Variants in CASP14 observed in about 807,000 individuals in gnomAD.
CASP14 encodes caspase 14.
Under a neutral mutation model 28.4 loss-of-function variants are expected in CASP14, and 27 were observed. The ratio of observed to expected loss-of-function variants is 0.95; its 90% confidence interval spans 0.70 to 1.31. The LOEUF is 1.31. Among genes scored for constraint, CASP14 ranks in the 50% most tolerant of loss-of-function variants. The pLI is 0.00. For missense variants in CASP14, 323 were observed against 312.8 expected, an observed-to-expected ratio of 1.03 and a Z score of -0.25; for synonymous variants, 115 against 118.6, an observed-to-expected ratio of 0.97 and a Z score of 0.20.
chr19:15,050,321 T>TGTGAGA lies in CASP14; in HGVS notation c.-47+677_-47+678insTGAGAG, dbSNP rs201170850. Among the ~76,000 whole-genome samples the TGTGAGA allele has an allele frequency of 5.7e-3, 851 of 149,180 alleles. 11 individuals are homozygous for TGTGAGA. The highest frequency in any genetic ancestry group is 0.019 in the African/African-American group (784 of 40,862). ...GTGTGTGTGTGTGAGTGTGTGTGTG[T>TGTGAGA]GAGAGAGAGAGAGAGAGAGAGAGAT... On this transcript the variant is annotated intron_variant, in intron 1 of 6. Transcript: ENST00000427043.
intron 4 of CASP14, 100 bp from the exon 5 acceptor site, chr19:15,055,058 G>GC (rs1028744502): frequency 8.1e-5 from 68 of 839,594 alleles, no homozygotes; most frequent in Non-Finnish European, 1.3e-4. Context: ...TCCTGCTTCA[G>GC]CCCCCCAAAA....
Position 15,053,789 on chromosome 19 carries a change from C to T in CASP14, c.234C>T (p.Pro78=), listed in dbSNP as rs61750055. ...AGGCCATCGATTCCCGGGAAGATCC[C>T]GTCAGTTGTGCCTTCGTGGTACTCA... ...FQQAIDSRED[P]VSCAFVVLMA... The change falls in exon 4 of 7, where the codon CCC becomes CCT. Residue 78 remains proline, a synonymous_variant. Coordinates refer to ENST00000427043, the MANE Select transcript of CASP14 (RefSeq NM_012114.3). 1.7e-5 allele frequency: 27 copies of T among 1,613,930 alleles called. No homozygotes were observed. Among genetic ancestry groups the T allele is most frequent in the Non-Finnish European group, 2.2e-5 (26 of 1,180,006 alleles).
intron 2 of CASP14, among the ~76,000 whole-genome samples, chr19:15,052,890 G>C (rs2283602): frequency 0.18 from 26,997 of 152,126 alleles, 2,446 homozygotes; most frequent in Admixed American, 0.25. Context: ...AAAAGAGCTG[G>C]ACCCCAGGTT....
chr19:15,055,798 T>G (rs2046114225), intron 6 of CASP14, among the ~76,000 whole-genome samples, 187 bp from the exon 7 acceptor site: 1 of 152,176 alleles, frequency 6.6e-6, no homozygotes, highest in Non-Finnish European at 1.5e-5. Flanking sequence ...TTTTAATGTT[T>G]ATATGTTTTT....
chr19:15,052,249 G>T lies in CASP14; in HGVS notation c.-3G>T, dbSNP rs376949640. 1.6e-5 allele frequency: 25 copies of T among 1,591,444 alleles called. No homozygotes were observed. Among genetic ancestry groups the T allele is most frequent in the Non-Finnish European group, 1.8e-5 (21 of 1,170,070 alleles). The stretch of plus-strand genomic sequence containing the variant: ...AGAGCCGGGACTCACAACCAAAGGA[G>T]AAATGAGCAATCCGCGGTCTTTGGA... On this transcript the variant is annotated 5_prime_UTR_variant, in exon 2 of 7. Coordinates refer to ENST00000427043, the MANE Select transcript of CASP14 (RefSeq NM_012114.3).
intron 1 of CASP14, among the ~76,000 whole-genome samples, chr19:15,050,140 C>T (rs765976000): frequency 7.9e-5 from 12 of 152,058 alleles, no homozygotes; most frequent in Admixed American, 2.0e-4. Flanking sequence ...AGGTCCTTTG[C>T]GGATGGGAAA....
intron 1 of CASP14, 46 bp downstream of exon 1, chr19:15,049,691 TCTCTCTCACACA>T (rs1568313888): frequency 1.8e-5 from 2 of 110,632 alleles, no homozygotes; most frequent in Non-Finnish European, 3.7e-5. Flanking sequence ...TCTCTCTCTC[TCTCTCTCACACA>T]CACACACACA....
chr19:15,052,261 C>T lies in CASP14; in HGVS notation c.10C>T (p.Pro4Ser), dbSNP rs2145280510. The T allele has an allele frequency of 6.3e-7, 1 of 1,592,080 alleles. No individual in the cohort carries two copies. Among genetic ancestry groups the T allele is most frequent in the Non-Finnish European group, 8.5e-7 (1 of 1,170,480 alleles). ...CACAACCAAAGGAGAAATGAGCAAT[C>T]CGCGGTCTTTGGAAGAGGTAGGCTG... Reference protein sequence around the residue: MSNPRSLEEEKYDM... With the variant: MSNSRSLEEEKYDM... The change falls in exon 2 of 7, where the codon CCG (proline) becomes TCG (serine). Residue 4 changes from proline to serine, a missense_variant. Pro to Ser is a moderately conservative substitution (Grantham distance 74). Transcript: ENST00000427043.
intron 2 of CASP14, 41 bp from the exon 3 acceptor site, chr19:15,053,441 T>C: frequency 6.2e-7 from 1 of 1,613,062 alleles, no homozygotes; most frequent in Non-Finnish European, 8.5e-7. Context: ...TGCTTCTCCT[T>C]GAACCTCTCC....
At chr19:15,050,384 G>A (rs561949635) in intron 1 of CASP14, among the ~76,000 whole-genome samples, 1 of 151,786 alleles carries the variant, frequency 6.6e-6, no homozygotes, top group African/African-American at 2.4e-5. Flanking sequence ...AGCTACAGAA[G>A]GACAGAAAGT....
At chr19:15,049,849 T>A (rs1380411465) in intron 1 of CASP14, among the ~76,000 whole-genome samples, 11 of 152,104 alleles carry the variant, frequency 7.2e-5, no homozygotes. Context: ...ATTTTTTTCT[T>A]ATTTGTTTAC....
At chr19:15,050,293 G>GCT (rs1398589526) in intron 1 of CASP14, among the ~76,000 whole-genome samples, 8 of 136,752 alleles carry the variant, frequency 5.9e-5, no homozygotes, top group East Asian at 2.1e-4. Flanking sequence ...CACAGCACTT[G>GCT]CTGTGTGTGT....
Position 15,053,977 on chromosome 19 carries a change from GCA to G in CASP14, c.403+22_403+23del. 2.5e-6 allele frequency: 4 copies of G among 1,592,204 alleles called. No individual in the cohort carries two copies. The highest frequency in any genetic ancestry group is 2.6e-6 in the Non-Finnish European group (3 of 1,164,400). ...CGAGGAGGTGGGGACAGATCCAAGA[GCA>G]CAGAGTCTGTGGTTTGTTGTTTCTG... On this transcript the variant is annotated intron_variant, in intron 4 of 6. Transcript: ENST00000427043.
At chr19:15,055,635 C>A in intron 6 of CASP14, 102 bp downstream of exon 6, 1 of 755,898 alleles carries the variant, frequency 1.3e-6, no homozygotes, top group Non-Finnish European at 2.2e-6. Context: ...CCCTCAGCTC[C>A]AAATCCAAGC....
chr19:15,054,790 G>A (rs909661438), intron 4 of CASP14: 1 of 172,858 alleles, frequency 5.8e-6, no homozygotes, highest in East Asian at 1.6e-4. Context: ...ACAGGTGCAA[G>A]CCACCATGCC....
rs2046119315 is a variant in CASP14, at chr19:15,056,702, G to C, written c.*613G>C. 6.6e-6 allele frequency: 1 copy of C among 152,264 alleles called. No homozygotes were observed. Among genetic ancestry groups the C allele is most frequent in the Admixed American group, 6.5e-5 (1 of 15,282 alleles). 9.4% of individuals were successfully genotyped at this position (152,264 alleles called of 1,614,324 possible). ...ATAATAAAGTTGTCTCCTCCTTTCT[G>C]GATCTCTTCCTCCTAACACCCCTCC... is the stretch of plus-strand genomic sequence containing the variant. On this transcript the variant is annotated 3_prime_UTR_variant, in exon 7 of 7. Transcript: ENST00000427043.
chr19:15,058,178 T>C lies in CASP14; in HGVS notation c.*2089T>C, dbSNP rs992262713. On this transcript the variant is annotated 3_prime_UTR_variant, in exon 7 of 7. Coordinates refer to ENST00000427043, the MANE Select transcript of CASP14 (RefSeq NM_012114.3). ...AAGCCATTTCCTCTCTTTTTTCTGA[T>C]TGATCCTTCCCTCTCACCCAGGATT... 6.6e-6 allele frequency: 1 copy of C among 152,232 alleles called. No homozygotes were observed. The highest frequency in any genetic ancestry group is 1.5e-5 in the Non-Finnish European group (1 of 68,072). The allele number at this position is 152,232 out of a possible 1,614,324, so 9.4% of individuals were successfully genotyped here. A position where few individuals can be genotyped will look rare whatever the true frequency, so the allele number is the denominator to read the frequency against.
At position 15,057,278 on chromosome 19, in the gene CASP14, T is replaced by G. The variant is rs576223895; in HGVS notation, c.*1189T>G. 1 of 152,376 alleles carries G rather than the reference T, an allele frequency of 6.6e-6. No individual in the cohort carries two copies. Among genetic ancestry groups the G allele is most frequent in the Admixed American group, 6.5e-5 (1 of 15,280 alleles). The allele number at this position is 152,376 out of a possible 1,614,324, so 9.4% of individuals were successfully genotyped here. A position where few individuals can be genotyped will look rare whatever the true frequency, so the allele number is the denominator to read the frequency against. On this transcript the variant is annotated 3_prime_UTR_variant, in exon 7 of 7. Coordinates refer to ENST00000427043, the MANE Select transcript of CASP14 (RefSeq NM_012114.3). Reference sequence around the variant, plus strand: ...TTCTTCCCGGTTACTCCTCCAAGCGTTCCCTGGTATCCTCAACCTCAGATC... The same window carrying G: ...TTCTTCCCGGTTACTCCTCCAAGCGGTCCCTGGTATCCTCAACCTCAGATC...
intron 5 of CASP14, 56 bp from the exon 6 acceptor site, chr19:15,055,374 A>G: frequency 6.4e-7 from 1 of 1,571,786 alleles, no homozygotes; most frequent in South Asian, 1.1e-5. Context: ...CCCTTCCAGG[A>G]TCCCCTCTAC....
Sources: gnomAD v4.1 joint callset for allele counts (sites outside exome capture counted in the v4.1 genomes callset) on GRCh38, gnomAD v4.1.1 for gene constraint, MANE v1.5 for transcripts, NCBI Gene and HGNC (gene_info 2026-07-23, HGNC 2026-07-21) for gene names.